The following C3orf20 variants were observed in gnomAD, a reference collection of about 807,000 sequenced individuals.
C3orf20 encodes uncharacterized protein C3orf20.
C3orf20 carries 76 observed loss-of-function variants against 88.3 expected under a neutral mutation model. The observed-to-expected ratio is 0.86, with a 90% CI of 0.72 to 1.04. C3orf20 has a LOEUF of 1.04. C3orf20 is among the 50% of genes least tolerant of loss of function. The pLI is 0.00. For synonymous variants in C3orf20, 436 were observed against 437.4 expected, an observed-to-expected ratio of 1.00 and a Z score of 0.04; for missense variants, 1,056 against 1,123.3, an observed-to-expected ratio of 0.94 and a Z score of 0.86.
chr3:14,694,350 A>AT (rs2032873944), intron 5 of C3orf20, among the ~76,000 whole-genome samples: 1 of 152,046 alleles, frequency 6.6e-6, no homozygotes, highest in Non-Finnish European at 1.5e-5. Flanking sequence ...TTTTTATTAT[A>AT]GTTTCAATCT....
chr3:14,759,713 G>A (rs1362124679), intron 13 of C3orf20, among the ~76,000 whole-genome samples, 178 bp from the exon 14 acceptor site: 1 of 152,176 alleles, frequency 6.6e-6, no homozygotes, highest in Non-Finnish European at 1.5e-5. Flanking sequence ...ATCCTCAAGG[G>A]ACAGTCATGG....
intron 11 of C3orf20, among the ~76,000 whole-genome samples, chr3:14,727,457 A>C (rs776716598): frequency 6.6e-6 from 1 of 151,190 alleles, no homozygotes; most frequent in South Asian, 2.1e-4. Flanking sequence ...AAATGCAATC[A>C]CCTCTCTAGG....
chr3:14,707,678 G>A (rs2033572202), intron 7 of C3orf20, among the ~76,000 whole-genome samples: 1 of 152,144 alleles, frequency 6.6e-6, no homozygotes, highest in South Asian at 2.1e-4. Flanking sequence ...TCTCTCAGTA[G>A]CATCATTTAA....
At chr3:14,690,203 G>A (rs1182303329) in intron 5 of C3orf20, 87 bp downstream of exon 5, 4 of 1,573,952 alleles carry the variant, frequency 2.5e-6, no homozygotes, top group African/African-American at 2.7e-5. Context: ...GTAGGTTGGT[G>A]GGATGGTTTG....
Position 14,772,709 on chromosome 3 carries a change from C to T in C3orf20, c.2631-82C>T, listed in dbSNP as rs1187728575. On this transcript the variant is annotated intron_variant, in intron 16 of 16. Coordinates refer to ENST00000253697, the MANE Select transcript of C3orf20 (RefSeq NM_032137.5). This position sits in a 1 kb window ranked among gnomAD's most constrained non-coding sequence, Gnocchi z 4.2. Reference sequence around the variant, plus strand: ...CCTGTGCAAGGGAGAGGGCCTTGCCCCTCCTGGCCCAACCGGGCCTGGGCT... The same window carrying T: ...CCTGTGCAAGGGAGAGGGCCTTGCCTCTCCTGGCCCAACCGGGCCTGGGCT... 3 of 1,161,246 alleles carry T rather than the reference C, an allele frequency of 2.6e-6. No homozygotes were observed. In the East Asian group the frequency reaches 7.2e-5, roughly 28 times the overall value. The allele number at this position is 1,161,246 out of a possible 1,614,324, so 71.9% of individuals were successfully genotyped here.
At chr3:14,721,241 C>G (rs2034151065) in intron 9 of C3orf20, among the ~76,000 whole-genome samples, 1 of 152,228 alleles carries the variant, frequency 6.6e-6, no homozygotes, top group South Asian at 2.1e-4. Flanking sequence ...CTTCCTACCA[C>G]TGTAGGACAA....
chr3:14,735,281 G>A (rs2034669901), intron 12 of C3orf20, among the ~76,000 whole-genome samples: 1 of 151,362 alleles, frequency 6.6e-6, no homozygotes, highest in East Asian at 1.9e-4. Flanking sequence ...TGACTCACTT[G>A]CACTGTATTC....
intron 7 of C3orf20, among the ~76,000 whole-genome samples, chr3:14,710,161 A>G (rs977138099): frequency 6.6e-6 from 1 of 151,672 alleles, no homozygotes; most frequent in Non-Finnish European, 1.5e-5. Flanking sequence ...AGCTATTCAT[A>G]TTATTGTATC....
At chr3:14,691,059 T>C (rs1351599651) in intron 5 of C3orf20, among the ~76,000 whole-genome samples, 2 of 152,260 alleles carry the variant, frequency 1.3e-5, no homozygotes, top group Admixed American at 1.3e-4. Context: ...TCCTATACTC[T>C]TTCCGTTATT....
At chr3:14,738,189 G>T (rs530833473) in intron 12 of C3orf20, among the ~76,000 whole-genome samples, 1 of 133,534 alleles carries the variant, frequency 7.5e-6, no homozygotes, top group South Asian at 2.4e-4. Flanking sequence ...TTTTTTTGAG[G>T]CAGAGTCTCA....
chr3:14,682,571 C>G lies in C3orf20; in HGVS notation c.-136-7C>G. On this transcript the variant is annotated splice_polypyrimidine_tract_variant and splice_region_variant and intron_variant, in intron 2 of 16. Transcript: ENST00000253697. ...TGACTAACTCTTTTCTTGTCCTTTC[C>G]GGATAGGAACCACTGGCTCAATGAC... 8.9e-7 allele frequency: 1 copy of G among 1,129,628 alleles called. No individual in the cohort carries two copies. Among genetic ancestry groups the G allele is most frequent in the Non-Finnish European group, 1.3e-6 (1 of 798,448 alleles). 70.0% of individuals were successfully genotyped at this position (1,129,628 alleles called of 1,614,324 possible). A position where few individuals can be genotyped will look rare whatever the true frequency, so the allele number is the denominator to read the frequency against.
chr3:14,761,227 AG>A (rs145240969), intron 14 of C3orf20, among the ~76,000 whole-genome samples: 16,748 of 141,358 alleles, frequency 0.12, 1,314 homozygotes, highest in African/African-American at 0.23. Context: ...ACCCCTGACC[AG>A]GCCCCCAGAT....
Position 14,726,994 on chromosome 3 carries a change from C to T in C3orf20, c.1660C>T (p.Gln554Ter). ...IKKRFQKTVT[Q>*]FINSILLAAG... ...GAAGCGGTTTCAGAAGACAGTGACT[C>T]AGTTCATTAATTCTATCTTGCTGGC... The change falls in exon 11 of 17, where the codon CAG becomes TAG. Residue 554 changes from glutamine to a stop codon, truncating the protein, a stop_gained. Transcript: ENST00000253697. LOFTEE classifies it high-confidence loss of function. 1 of 1,614,136 alleles carries T rather than the reference C, an allele frequency of 6.2e-7. No homozygotes were observed. Among genetic ancestry groups the T allele is most frequent in the Non-Finnish European group, 8.5e-7 (1 of 1,180,022 alleles).
At position 14,701,771 on chromosome 3, in the gene C3orf20, A is replaced by G. The variant is rs932090778; in HGVS notation, c.746-1359A>G. On this transcript the variant is annotated intron_variant, in intron 5 of 16. Coordinates refer to ENST00000253697, the MANE Select transcript of C3orf20 (RefSeq NM_032137.5). This position sits in a 1 kb window ranked among gnomAD's most constrained non-coding sequence, Gnocchi z 4.6. ...CAGGTGAATCAAAAGGGTCCAATTC[A>G]GTGAGGGCCGTCCAGCCCTGGAAAT... Among the ~76,000 whole-genome samples, 14 of 152,170 alleles carry G rather than the reference A, an allele frequency of 9.2e-5. No individual in the cohort carries two copies. Among genetic ancestry groups the G allele is most frequent in the Non-Finnish European group, 1.6e-4 (11 of 68,030 alleles).
At chr3:14,754,307 C>G (rs547346753) in intron 12 of C3orf20, among the ~76,000 whole-genome samples, 2 of 152,286 alleles carry the variant, frequency 1.3e-5, no homozygotes, top group South Asian at 2.1e-4. Context: ...AAAACAAAGT[C>G]AAGCTCTGAG....
intron 12 of C3orf20, among the ~76,000 whole-genome samples, chr3:14,741,047 A>G (rs1264710959): frequency 6.6e-6 from 1 of 152,202 alleles, no homozygotes; most frequent in Non-Finnish European, 1.5e-5. Flanking sequence ...TGTGTATGAA[A>G]AACCGTAGAC....
intron 1 of C3orf20, among the ~76,000 whole-genome samples, chr3:14,678,423 C>A (rs1427578419): frequency 6.6e-6 from 1 of 152,194 alleles, no homozygotes; most frequent in Non-Finnish European, 1.5e-5. Context: ...GTTTCCATTC[C>A]GCCTTGCAGA....
intron 5 of C3orf20, among the ~76,000 whole-genome samples, chr3:14,699,661 TCTC>T (rs1249103777): frequency 2.0e-5 from 3 of 152,150 alleles, no homozygotes; most frequent in Non-Finnish European, 4.4e-5. Flanking sequence ...TTCCCTCTTC[TCTC>T]CTCAAGTGGA....
At chr3:14,771,519 C>T (rs894345524) in intron 15 of C3orf20, among the ~76,000 whole-genome samples, 5 of 152,390 alleles carry the variant, frequency 3.3e-5, no homozygotes, top group South Asian at 2.1e-4. Context: ...CCTATGGCCA[C>T]AGAACTGCAG....
Sources: gnomAD v4.1 joint callset for allele counts (sites outside exome capture counted in the v4.1 genomes callset) on GRCh38, gnomAD v4.1.1 for gene constraint, Gnocchi (gnomAD v3.1) non-coding constraint, MANE v1.5 for transcripts, NCBI Gene and HGNC (gene_info 2026-07-23, HGNC 2026-07-21) for gene names.